Variants in KCNJ5 observed in about 807,000 individuals in gnomAD.
KCNJ5 encodes the protein G protein-activated inward rectifier potassium channel 4.
In KCNJ5, 12 loss-of-function variants were observed where a neutral mutation model predicts 20.2. The ratio of observed to expected loss-of-function variants is 0.59; its 90% confidence interval spans 0.38 to 0.96. The LOEUF is 0.96. KCNJ5 is among the 40% of genes least tolerant of loss of function. The pLI, the probability that KCNJ5 is intolerant of heterozygous loss-of-function variation, is 0.00. For synonymous variants in KCNJ5, 210 were observed against 213.9 expected, an observed-to-expected ratio of 0.98 and a Z score of 0.16; for missense variants, 449 against 557.6, an observed-to-expected ratio of 0.81 and a Z score of 1.96.
intron 1 of KCNJ5, among the ~76,000 whole-genome samples, chr11:128,908,005 T>G (rs1944448744): frequency 6.6e-6 from 1 of 152,226 alleles, no homozygotes; most frequent in African/African-American, 2.4e-5. Context: ...TTTGACTTGA[T>G]AGGCACACAA....
chr11:128,902,404 G>A lies in KCNJ5; in HGVS notation c.-10-8860G>A. ...ACTGGAGGACTATCGCACTGCCCAA[G>A]ACACTGTTCTCTGCAGCAGGTTTGC... is the stretch of plus-strand genomic sequence containing the variant. On this transcript the variant is annotated intron_variant, in intron 1 of 2. Transcript: ENST00000529694. 4 of 968,520 alleles carry A rather than the reference G, an allele frequency of 4.1e-6. No individual in the cohort carries two copies. In the South Asian group the frequency reaches 6.2e-5, roughly 15 times the overall value. The allele number at this position is 968,520 out of a possible 1,614,324, so 60.0% of individuals were successfully genotyped here. A position where few individuals can be genotyped will look rare whatever the true frequency, so the allele number is the denominator to read the frequency against.
At position 128,902,605 on chromosome 11, in the gene KCNJ5, C is replaced by G. The variant is rs572431150; in HGVS notation, c.-10-8659C>G. 78 of 1,613,462 alleles carry G rather than the reference C, an allele frequency of 4.8e-5. No homozygotes were observed. The South Asian group carries it at 8.1e-4, about 17-fold the overall frequency. ...GCTGATGGGCACTGAGGGGGTAGCC[C>G]AGGCGGCCCTCTCTACTATCATGGG... On this transcript the variant is annotated intron_variant, in intron 1 of 2. Transcript: ENST00000529694.
chr11:128,902,399 C>T, intron 1 of KCNJ5: 2 of 931,194 alleles, frequency 2.1e-6, no homozygotes, highest in Non-Finnish European at 3.3e-6. Context: ...TATCGCACTG[C>T]CCAAGACACT....
chr11:128,896,887 T>G (rs1002065636), intron 1 of KCNJ5, among the ~76,000 whole-genome samples: 1 of 152,104 alleles, frequency 6.6e-6, no homozygotes, highest in African/African-American at 2.4e-5. Flanking sequence ...TATGTTTAGT[T>G]TTTTTTATTT....
chr11:128,898,964 G>C (rs1265791719), intron 1 of KCNJ5, among the ~76,000 whole-genome samples: 4 of 152,266 alleles, frequency 2.6e-5, no homozygotes, highest in African/African-American at 9.6e-5. Context: ...ACAGGCGTGA[G>C]CCGCCGTGCC....
chr11:128,909,668 T>C (rs1034800254), intron 1 of KCNJ5, among the ~76,000 whole-genome samples: 1 of 152,176 alleles, frequency 6.6e-6, no homozygotes, highest in Non-Finnish European at 1.5e-5. Context: ...GGAAAAGACA[T>C]GCAGCTGGCC....
intron 1 of KCNJ5, chr11:128,905,751 G>A (rs531513780): frequency 0.016 from 2,473 of 152,766 alleles, 60 homozygotes; most frequent in Non-Finnish European, 0.02. Context: ...TTCTGGGGGG[G>A]CGGGGCGGGG....
intron 1 of KCNJ5, among the ~76,000 whole-genome samples, chr11:128,894,961 G>A (rs1050784343): frequency 2.6e-5 from 4 of 152,144 alleles, no homozygotes; most frequent in African/African-American, 9.7e-5. Flanking sequence ...TTCCATTATC[G>A]TTCCAGGCCA....
At chr11:128,891,975 C>T (rs1248345981) in intron 1 of KCNJ5, among the ~76,000 whole-genome samples, 1 of 152,252 alleles carries the variant, frequency 6.6e-6, no homozygotes, top group East Asian at 1.9e-4. Flanking sequence ...TAGACCAGGG[C>T]TACCTGGGGG....
chr11:128,911,189 G>T lies in KCNJ5; in HGVS notation c.-10-75G>T. The T allele has an allele frequency of 2.5e-6, 3 of 1,194,698 alleles. No individual in the cohort carries two copies. The highest frequency in any genetic ancestry group is 1.9e-4 in the Middle Eastern group (1 of 5,260). The allele number at this position is 1,194,698 out of a possible 1,614,324, so 74.0% of individuals were successfully genotyped here. A position where few individuals can be genotyped will look rare whatever the true frequency, so the allele number is the denominator to read the frequency against. ...GAGAAGCCTGGGAGAGCCCCGGGGTGGGGGTGGCCTTCCATCTTGTGTTCT... is the reference window on the plus strand; with the variant it reads ...GAGAAGCCTGGGAGAGCCCCGGGGTTGGGGTGGCCTTCCATCTTGTGTTCT... On this transcript the variant is annotated intron_variant, in intron 1 of 2. Coordinates refer to ENST00000529694, the MANE Select transcript of KCNJ5 (RefSeq NM_000890.5). The surrounding 1 kb of genome is among the most constrained non-coding windows in gnomAD (Gnocchi z 6.3).
intron 1 of KCNJ5, 85 bp downstream of exon 1, chr11:128,891,806 CTG>C (rs1192022714): frequency 6.6e-6 from 1 of 152,300 alleles, no homozygotes; most frequent in Non-Finnish European, 1.5e-5. Flanking sequence ...TGTCCATCAC[CTG>C]GGCAGCAGGC....
intron 1 of KCNJ5, among the ~76,000 whole-genome samples, chr11:128,905,373 G>C (rs1390758648): frequency 6.6e-6 from 1 of 152,230 alleles, no homozygotes; most frequent in Admixed American, 6.5e-5. Flanking sequence ...CGCACTGGGG[G>C]CTTCGTCCCC....
At chr11:128,913,698 G>A (rs374333371) in intron 2 of KCNJ5, among the ~76,000 whole-genome samples, 1 of 152,038 alleles carries the variant, frequency 6.6e-6, no homozygotes, top group South Asian at 2.1e-4. Flanking sequence ...GCAAATGACA[G>A]TGTAGGGCTG....
intron 1 of KCNJ5, among the ~76,000 whole-genome samples, chr11:128,908,256 A>G (rs1046055518): frequency 2.6e-5 from 4 of 152,242 alleles, no homozygotes; most frequent in African/African-American, 9.6e-5. Context: ...TTTTATTTAT[A>G]CTTATGTTTG....
Position 128,921,099 on chromosome 11 carries a change from T to C in KCNJ5, c.*4368T>C, listed in dbSNP as rs1944658550. Reference sequence around the variant, plus strand: ...TGTGTAGGATTCATCAATCTTCGTATGCAAAAGAACACCACTGCACTGCAC... The same window carrying C: ...TGTGTAGGATTCATCAATCTTCGTACGCAAAAGAACACCACTGCACTGCAC... On this transcript the variant is annotated 3_prime_UTR_variant, in exon 3 of 3. Transcript: ENST00000529694. 1 of 152,262 alleles carries C rather than the reference T, an allele frequency of 6.6e-6. No individual in the cohort carries two copies. The highest frequency in any genetic ancestry group is 2.4e-5 in the African/African-American group (1 of 41,470). The allele number at this position is 152,262 out of a possible 1,614,324, so 9.4% of individuals were successfully genotyped here. A position where few individuals can be genotyped will look rare whatever the true frequency, so the allele number is the denominator to read the frequency against.
At chr11:128,912,580 G>C (rs542090651) in intron 2 of KCNJ5, among the ~76,000 whole-genome samples, 1 of 152,018 alleles carries the variant, frequency 6.6e-6, no homozygotes, top group Non-Finnish European at 1.5e-5. Flanking sequence ...GCCCGATCTC[G>C]GCTCACTGCA....
chr11:128,900,284 C>T (rs1183470367), intron 1 of KCNJ5: 1 of 152,188 alleles, frequency 6.6e-6, no homozygotes, highest in East Asian at 1.9e-4. Flanking sequence ...CTTTAAAGAT[C>T]CTTACATGAA....
chr11:128,910,755 GC>G (rs1174050189), intron 1 of KCNJ5, among the ~76,000 whole-genome samples: 1 of 152,170 alleles, frequency 6.6e-6, no homozygotes, highest in Admixed American at 6.5e-5. Context: ...ACAAACTTAT[GC>G]CCCTGTGGAG....
intron 1 of KCNJ5, among the ~76,000 whole-genome samples, chr11:128,909,574 A>T (rs899156193): frequency 2.0e-5 from 3 of 152,194 alleles, no homozygotes; most frequent in Admixed American, 6.5e-5. Flanking sequence ...CATGTTTAGC[A>T]ACATGTTTAA....
Sources: allele counts gnomAD v4.1 joint callset (sites outside exome capture counted in the v4.1 genomes callset), GRCh38; gene constraint gnomAD v4.1.1; non-coding constraint Gnocchi (gnomAD v3.1); transcripts MANE v1.5; gene names NCBI Gene and HGNC (gene_info 2026-07-23, HGNC 2026-07-21).